Variants in SLC4A4 observed in about 807,000 individuals in gnomAD.
The protein encoded by SLC4A4 is electrogenic sodium bicarbonate cotransporter 1.
Under a neutral mutation model 111.5 loss-of-function variants are expected in SLC4A4, and 27 were observed. The ratio of observed to expected loss-of-function variants is 0.24; its 90% CI spans 0.18 to 0.33. SLC4A4 has a LOEUF of 0.33. SLC4A4 is among the 10% of genes least tolerant of loss of function. The pLI is 1.00. For synonymous variants in SLC4A4, 443 were observed against 463.4 expected (o/e 0.96, Z 0.57); for missense variants, 909 against 1,315.5 (o/e 0.69, Z 4.78).
chr4:71,270,332 C>T (rs1041936049), intron 3 of SLC4A4, among the ~76,000 whole-genome samples: 12 of 152,222 alleles, frequency 7.9e-5, no homozygotes, highest in East Asian at 7.7e-4. Context: ...TCAGGTGATC[C>T]GCCCGCCTCG....
At chr4:71,086,588 T>G (rs1443023421) in intron 1 of SLC4A4, among the ~76,000 whole-genome samples, 3 of 152,062 alleles carry the variant, frequency 2.0e-5, no homozygotes, top group African/African-American at 4.8e-5. Context: ...CATCAATACC[T>G]AATTTATTGA....
intron 23 of SLC4A4, among the ~76,000 whole-genome samples, chr4:71,562,013 T>TTAAAA: frequency 1.3e-5 from 2 of 151,914 alleles, no homozygotes; most frequent in South Asian, 4.1e-4. Flanking sequence ...AATGTACTGC[T>TTAAAA]CTCTAGTGAC....
intron 2 of SLC4A4, 103 bp from the exon 3 acceptor site, chr4:71,255,117 G>A (rs1276645543): frequency 8.8e-6 from 10 of 1,131,782 alleles, no homozygotes; most frequent in South Asian, 7.6e-5. Flanking sequence ...GAATGGTAAC[G>A]TTGAATTTAT....
intron 4 of SLC4A4, among the ~76,000 whole-genome samples, chr4:71,342,623 C>T (rs1728983274): frequency 6.6e-6 from 1 of 152,104 alleles, no homozygotes; most frequent in Admixed American, 6.6e-5. Context: ...TCTTGAAGTT[C>T]TTTGTGAGTT....
At chr4:71,494,259 CT>C (rs1730201348) in intron 15 of SLC4A4, among the ~76,000 whole-genome samples, 1 of 152,026 alleles carries the variant, frequency 6.6e-6, no homozygotes, top group Non-Finnish European at 1.5e-5. Flanking sequence ...AGATAATGTG[CT>C]AAGAGAATTC....
chr4:71,550,572 T>C (rs1469270575), intron 20 of SLC4A4, among the ~76,000 whole-genome samples: 2 of 151,914 alleles, frequency 1.3e-5, no homozygotes, highest in African/African-American at 2.4e-5. Context: ...ATGTGTTTTT[T>C]TAGAGAACCA....
chr4:71,499,943 A>G (rs1730756918), intron 16 of SLC4A4, among the ~76,000 whole-genome samples: 1 of 152,188 alleles, frequency 6.6e-6, no homozygotes, highest in African/African-American at 2.4e-5. Flanking sequence ...ATACATACAC[A>G]GAAGTAGGGT....
intron 6 of SLC4A4, among the ~76,000 whole-genome samples, chr4:71,382,039 A>G (rs1380412461): frequency 2.0e-5 from 3 of 152,224 alleles, no homozygotes; most frequent in African/African-American, 4.8e-5. Context: ...AAGGCAGCTT[A>G]GTTAGTTCAT....
At chr4:71,417,041 T>C (rs1288052952) in intron 7 of SLC4A4, among the ~76,000 whole-genome samples, 1 of 152,162 alleles carries the variant, frequency 6.6e-6, no homozygotes, top group Non-Finnish European at 1.5e-5. Flanking sequence ...GCACCGTTAG[T>C]GGAGCTATCA....
intron 7 of SLC4A4, among the ~76,000 whole-genome samples, chr4:71,429,490 A>T (rs1158501932): frequency 6.6e-6 from 1 of 152,158 alleles, no homozygotes; most frequent in Non-Finnish European, 1.5e-5. Flanking sequence ...CTATAGCATC[A>T]CTATACTCTG....
At chr4:71,324,378 T>A (rs1451384637) in intron 3 of SLC4A4, among the ~76,000 whole-genome samples, 2 of 151,936 alleles carry the variant, frequency 1.3e-5, no homozygotes, top group East Asian at 3.9e-4. Flanking sequence ...ATAATATTAA[T>A]AATATGCTTA....
intron 1 of SLC4A4, among the ~76,000 whole-genome samples, chr4:71,202,255 T>C (rs537563717): frequency 6.6e-6 from 1 of 152,342 alleles, no homozygotes; most frequent in East Asian, 1.9e-4. Flanking sequence ...GAAATTTGGT[T>C]TTGATTCAAA....
chr4:71,085,933 C>A (rs1291295878), intron 1 of SLC4A4, among the ~76,000 whole-genome samples: 1 of 151,960 alleles, frequency 6.6e-6, no homozygotes, highest in African/African-American at 2.4e-5. Flanking sequence ...TTTTCCAATT[C>A]TGTGAAGAAA....
At chr4:71,087,372 T>G (rs1408060369) in intron 1 of SLC4A4, among the ~76,000 whole-genome samples, 1 of 152,012 alleles carries the variant, frequency 6.6e-6, no homozygotes, top group African/African-American at 2.4e-5. Context: ...GATTCATTGA[T>G]TTTTTGAAGG....
At position 71,548,460 on chromosome 4, in the gene SLC4A4, T is replaced by C. The variant is rs1284811458; in HGVS notation, c.2694+740T>C. On this transcript the variant is annotated intron_variant, in intron 20 of 25. Coordinates refer to ENST00000264485, the MANE Select transcript of SLC4A4 (RefSeq NM_001098484.3). ...AACTAAAAACTAAAGAAAGTTAGTG[T>C]ATACCTCTTCATGAAGTTTCCAATT... Among the ~76,000 whole-genome samples, 5 of 151,998 alleles carry C rather than the reference T, an allele frequency of 3.3e-5. No individual in the cohort carries two copies. In the East Asian group the frequency reaches 5.8e-4, roughly 18 times the overall value.
At chr4:71,379,646 G>A (rs567225807) in intron 6 of SLC4A4, among the ~76,000 whole-genome samples, 1 of 152,148 alleles carries the variant, frequency 6.6e-6, no homozygotes, top group South Asian at 2.1e-4. Context: ...TAAAGAGCTT[G>A]AGCAGAACCC....
intron 3 of SLC4A4, 88 bp downstream of exon 3, chr4:71,255,487 G>A: frequency 3.1e-6 from 4 of 1,290,696 alleles, no homozygotes; most frequent in Middle Eastern, 2.3e-4. Context: ...TGGCTAAAGG[G>A]GAGGGACACT....
At chr4:71,451,362 C>A in intron 11 of SLC4A4, 61 bp downstream of exon 11, 1 of 1,024,448 alleles carries the variant, frequency 9.8e-7, no homozygotes, top group Non-Finnish European at 1.6e-6. Context: ...AATTTCCCTT[C>A]ATCTATCAAC....
chr4:71,310,628 A>T (rs532322985), intron 3 of SLC4A4, among the ~76,000 whole-genome samples: 1 of 152,234 alleles, frequency 6.6e-6, no homozygotes, highest in African/African-American at 2.4e-5. Flanking sequence ...CTTTGCATAA[A>T]TGCTGAGGGA....
Sources: gnomAD v4.1 joint callset for allele counts (sites outside exome capture counted in the v4.1 genomes callset) on GRCh38, gnomAD v4.1.1 for gene constraint, MANE v1.5 for transcripts, NCBI Gene and HGNC (gene_info 2026-07-23, HGNC 2026-07-21) for gene names.